Variants in EYS observed in about 807,000 individuals in gnomAD.
EYS encodes EGF-like photoreceptor maintenance factor, also known as protein eyes shut homolog.
A neutral mutation model predicts 282.1 loss-of-function variants in EYS; 250 were observed. That is an observed-to-expected ratio of 0.89 (90% confidence interval 0.80 to 0.98). The LOEUF is 0.98. Among genes scored for constraint, EYS ranks in the 50% least tolerant of loss-of-function variants. The probability of loss-of-function intolerance (pLI) is 0.00; values close to 1 mark genes in which losing one functional copy is unlikely to be tolerated. For synonymous variants in EYS, 1,355 were observed against 1,282.9 expected (o/e 1.06, Z -1.20); for missense variants, 4,016 against 3,709.0 (o/e 1.08, Z -2.15).
At chr6:65,413,866 G>T (rs547661824) in intron 5 of EYS, among the ~76,000 whole-genome samples, 3 of 151,510 alleles carry the variant, frequency 2.0e-5, no homozygotes, top group Admixed American at 2.0e-4. Flanking sequence ...AAAAAAAAAA[G>T]GAATAATGTG....
chr6:64,643,266 A>C (rs964216677), intron 22 of EYS, among the ~76,000 whole-genome samples: 1 of 152,218 alleles, frequency 6.6e-6, no homozygotes, highest in African/African-American at 2.4e-5. Flanking sequence ...ATATCAGGTC[A>C]GTGCAAAAGT....
intron 2 of EYS, among the ~76,000 whole-genome samples, chr6:65,533,595 G>A (rs1767862060): frequency 6.6e-6 from 1 of 152,086 alleles, no homozygotes; most frequent in African/African-American, 2.4e-5. Flanking sequence ...TGAGAGATGT[G>A]AATTGGGGGA....
intron 29 of EYS, among the ~76,000 whole-genome samples, chr6:64,381,025 A>G (rs1772730653): frequency 6.6e-6 from 1 of 152,046 alleles, no homozygotes; most frequent in Non-Finnish European, 1.5e-5. Flanking sequence ...TCAGAAAAAA[A>G]AAAAAAAAAA....
intron 37 of EYS, among the ~76,000 whole-genome samples, chr6:63,794,433 C>T (rs1242570316): frequency 1.3e-5 from 2 of 152,128 alleles, no homozygotes; most frequent in African/African-American, 4.8e-5. Flanking sequence ...CAGTGCATTA[C>T]TTTGATCCAA....
At chr6:64,089,509 A>G (rs1196380534) in intron 31 of EYS, among the ~76,000 whole-genome samples, 1 of 149,590 alleles carries the variant, frequency 6.7e-6, no homozygotes, top group Non-Finnish European at 1.5e-5. Flanking sequence ...ATAATACTGT[A>G]TATCCTATAA....
At chr6:64,368,211 G>C (rs80226198) in intron 29 of EYS, among the ~76,000 whole-genome samples, 1,987 of 152,198 alleles carry the variant, frequency 0.013, 43 homozygotes, top group African/African-American at 0.045. Flanking sequence ...TTCTGTTCCT[G>C]TGTTAGTTTG....
rs1294389656 is a variant in EYS, at chr6:64,012,035, T to G, written c.6726-12852A>C. Among the ~76,000 whole-genome samples the G allele has an allele frequency of 2.7e-5, 4 of 149,334 alleles. No homozygotes were observed. In the South Asian group the frequency reaches 8.5e-4, roughly 32 times the overall value. The stretch of plus-strand genomic sequence containing the variant: ...TCCTCTCCTCTCCTCTCCTCTCCTC[T>G]TGTCCCCTCACCCCCTCCCCTCCTT... On this transcript the variant is annotated intron_variant, in intron 33 of 42. Transcript: ENST00000503581.
rs137988756 is a variant in EYS, at chr6:65,348,045, G to T, written c.1460-3868C>A. On this transcript the variant is annotated intron_variant, in intron 9 of 42. Transcript: ENST00000503581. ...ACCTCTATCTAGTTCCATCCATGTT[G>T]TTGCAAATGACAGGATCTCATTTTT... 3.2e-4 allele frequency among the ~76,000 whole-genome samples: 48 copies of T among 151,224 alleles called. 1 individual carries two copies. Among genetic ancestry groups the T allele is most frequent in the Non-Finnish European group, 2.2e-4 (15 of 67,758 alleles).
intron 11 of EYS, among the ~76,000 whole-genome samples, chr6:65,333,122 GT>G (rs1375450977): frequency 6.7e-6 from 1 of 149,468 alleles, no homozygotes; most frequent in Non-Finnish European, 1.5e-5. Flanking sequence ...TTTTATTTAG[GT>G]TTAGTTTCCT....
chr6:63,977,722 C>CA (rs1562128362), intron 35 of EYS, among the ~76,000 whole-genome samples: 1 of 151,918 alleles, frequency 6.6e-6, no homozygotes, highest in Non-Finnish European at 1.5e-5. Flanking sequence ...GATCCAGGAC[C>CA]GAGTTTGTGT....
chr6:65,519,704 A>ATATATATATATATATATATATATC (rs1767281941), intron 2 of EYS, among the ~76,000 whole-genome samples: 1 of 36,240 alleles, frequency 2.8e-5, no homozygotes, highest in African/African-American at 1.5e-4. Flanking sequence ...ATATATATAT[A>ATATATATATATATATATATATATC]TATATTTTTT....
chr6:64,388,835 T>C lies in EYS; in HGVS notation c.5933A>G (p.Glu1978Gly), dbSNP rs1167378012. The C allele has an allele frequency of 2.0e-6, 3 of 1,501,120 alleles. No individual in the cohort carries two copies. The highest frequency in any genetic ancestry group is 2.3e-5 in the Admixed American group (1 of 44,020). The allele number at this position is 1,501,120 out of a possible 1,614,324, so 93.0% of individuals were successfully genotyped here. A position where few individuals can be genotyped will look rare whatever the true frequency, so the allele number is the denominator to read the frequency against. The change falls in exon 29 of 43, where the codon GAA becomes GGA. Residue 1978 changes from glutamate to glycine, a missense_variant. Transcript: ENST00000503581. The stretch of plus-strand genomic sequence containing the variant: ...CAGCTCAGCGTTACATGGATCCAAT[T>C]CTTGCCTGTAACCATTTAAGAAAGA... ...GQKYTLLIRQ[E>G]LDPCNAELTI...
chr6:64,355,373 G>A (rs1334941296), intron 29 of EYS, among the ~76,000 whole-genome samples: 1 of 151,428 alleles, frequency 6.6e-6, no homozygotes, highest in African/African-American at 2.4e-5. Context: ...CTACCTCACA[G>A]GGTTCTTGTG....
chr6:65,367,456 A>G (rs1218344590), intron 8 of EYS, among the ~76,000 whole-genome samples: 1 of 151,740 alleles, frequency 6.6e-6, no homozygotes, highest in Non-Finnish European at 1.5e-5. Context: ...TTTCAGCACT[A>G]GTAAAGACAT....
At chr6:65,151,828 T>C (rs1764618070) in intron 12 of EYS, among the ~76,000 whole-genome samples, 1 of 151,994 alleles carries the variant, frequency 6.6e-6, no homozygotes, top group African/African-American at 2.4e-5. Context: ...ATAGGAAGTC[T>C]AATTTTTCAG....
At chr6:65,246,634 G>T (rs1767187035) in intron 12 of EYS, among the ~76,000 whole-genome samples, 2 of 151,820 alleles carry the variant, frequency 1.3e-5, no homozygotes, top group African/African-American at 2.4e-5. Flanking sequence ...CCTCCCATTT[G>T]CTCATATTGC....
At chr6:63,949,007 C>A (rs1265914465) in intron 35 of EYS, among the ~76,000 whole-genome samples, 1 of 151,978 alleles carries the variant, frequency 6.6e-6, no homozygotes, top group African/African-American at 2.4e-5. Flanking sequence ...CAGTGTACTA[C>A]CTATAATATT....
At chr6:63,999,352 TG>T (rs1419098632) in intron 33 of EYS, among the ~76,000 whole-genome samples, 169 bp from the exon 34 acceptor site, 3 of 152,334 alleles carry the variant, frequency 2.0e-5, no homozygotes, top group Non-Finnish European at 2.9e-5. Context: ...AGATAAAAGA[TG>T]TATTTCTTTT....
intron 33 of EYS, among the ~76,000 whole-genome samples, chr6:64,061,168 GCA>G (rs1771153951): frequency 6.6e-6 from 1 of 152,140 alleles, no homozygotes; most frequent in Non-Finnish European, 1.5e-5. Flanking sequence ...TTTAAAACAT[GCA>G]GATAACACAG....
Sources: gnomAD v4.1 joint callset for allele counts (sites outside exome capture counted in the v4.1 genomes callset) on GRCh38, gnomAD v4.1.1 for gene constraint, MANE v1.5 for transcripts, NCBI Gene and HGNC (gene_info 2026-07-23, HGNC 2026-07-21) for gene names.